SETBP1: variants seen among roughly 807,000 people sequenced by gnomAD.
SETBP1 encodes SET-binding protein.
Under a neutral mutation model 101.0 loss-of-function variants are expected in SETBP1, and 9 were observed. That is an observed-to-expected ratio of 0.09 (90% CI 0.05 to 0.16). SETBP1 has a LOEUF of 0.16. Among genes scored for constraint, SETBP1 ranks in the 10% least tolerant of loss-of-function variants. The pLI, the probability that SETBP1 is intolerant of heterozygous loss-of-function variation, is 1.00. For missense variants in SETBP1, 1,858 were observed against 2,033.8 expected (o/e 0.91, Z 1.66); for synonymous variants, 818 against 788.5 (o/e 1.04, Z -0.63).
intron 2 of SETBP1, among the ~76,000 whole-genome samples, chr18:44,855,842 G>A (rs1425710874): frequency 1.3e-5 from 2 of 152,170 alleles, no homozygotes; most frequent in Non-Finnish European, 2.9e-5. Flanking sequence ...ATGGCATTGC[G>A]ATCCGTGTTC....
chr18:44,970,751 A>G lies in SETBP1; in HGVS notation c.4000+17411A>G, dbSNP rs148664578. Reference sequence around the variant, plus strand: ...TTTTTAGTAGAGACAGGGTTTCACCATGTTGGTCAGGCTGGTCTCGAACTC... The same window carrying G: ...TTTTTAGTAGAGACAGGGTTTCACCGTGTTGGTCAGGCTGGTCTCGAACTC... On this transcript the variant is annotated intron_variant, in intron 4 of 5. Transcript: ENST00000649279. Among the ~76,000 whole-genome samples, 964 of 152,054 alleles carry G rather than the reference A, an allele frequency of 6.3e-3. 14 individuals carry two copies. Among genetic ancestry groups the G allele is most frequent in the South Asian group, 0.04 (192 of 4,790 alleles).
At chr18:45,017,515 G>C (rs2072972717) in intron 4 of SETBP1, among the ~76,000 whole-genome samples, 1 of 152,222 alleles carries the variant, frequency 6.6e-6, no homozygotes, top group South Asian at 2.1e-4. Flanking sequence ...TCCGAAGGAA[G>C]GGACCTTTGC....
chr18:45,014,029 GAA>G (rs34718298), intron 4 of SETBP1, among the ~76,000 whole-genome samples: 7 of 149,892 alleles, frequency 4.7e-5, no homozygotes, highest in Middle Eastern at 6.9e-3. Context: ...ATGTTCGGCA[GAA>G]AAAAAAAAAT....
chr18:45,024,575 G>C (rs1286176162), intron 4 of SETBP1, among the ~76,000 whole-genome samples: 1 of 152,084 alleles, frequency 6.6e-6, no homozygotes, highest in Non-Finnish European at 1.5e-5. Flanking sequence ...ATGACCTAAA[G>C]ACCTTCTCAG....
intron 4 of SETBP1, chr18:44,970,003 A>C (rs1163458728): frequency 6.5e-6 from 1 of 154,684 alleles, no homozygotes; most frequent in Non-Finnish European, 1.5e-5. Context: ...AAGAATCCTA[A>C]TTCTCCTTAT....
intron 3 of SETBP1, among the ~76,000 whole-genome samples, chr18:44,933,483 AGACAGG>A (rs2070885074): frequency 6.6e-6 from 1 of 152,252 alleles, no homozygotes; most frequent in Non-Finnish European, 1.5e-5. Flanking sequence ...CAAAGCTGTC[AGACAGG>A]GACGTTTAAG....
intron 3 of SETBP1, among the ~76,000 whole-genome samples, chr18:44,936,888 T>C (rs1041123135): frequency 1.4e-4 from 22 of 152,050 alleles, no homozygotes; most frequent in Admixed American, 6.6e-5. Flanking sequence ...TTAGGCTAGG[T>C]TGAAAGCAGA....
chr18:44,730,931 G>A (rs1421699731), intron 2 of SETBP1, among the ~76,000 whole-genome samples: 1 of 152,202 alleles, frequency 6.6e-6, no homozygotes, highest in African/African-American at 2.4e-5. Context: ...AGTAGTGATA[G>A]TTCCTCCATA....
chr18:44,807,470 T>C (rs2071772499), intron 2 of SETBP1, among the ~76,000 whole-genome samples: 1 of 152,148 alleles, frequency 6.6e-6, no homozygotes, highest in African/African-American at 2.4e-5. Context: ...GTGCTGGATT[T>C]TTTGTTTGTT....
intron 3 of SETBP1, among the ~76,000 whole-genome samples, chr18:44,914,776 A>ATAGGACT (rs1200967237): frequency 6.6e-6 from 1 of 152,092 alleles, no homozygotes; most frequent in Non-Finnish European, 1.5e-5. Context: ...AGGAACAGAA[A>ATAGGACT]TAGGACTTGA....
At chr18:44,900,970 A>G (rs1336933699) in intron 3 of SETBP1, among the ~76,000 whole-genome samples, 1 of 152,226 alleles carries the variant, frequency 6.6e-6, no homozygotes, top group East Asian at 1.9e-4. Flanking sequence ...CTAGAAACAA[A>G]TAAAATCTCC....
intron 2 of SETBP1, among the ~76,000 whole-genome samples, chr18:44,848,234 G>A (rs1235491677): frequency 6.6e-6 from 1 of 152,164 alleles, no homozygotes; most frequent in Non-Finnish European, 1.5e-5. Context: ...TGGGAAAGAT[G>A]AGGTAAGCAA....
intron 2 of SETBP1, among the ~76,000 whole-genome samples, chr18:44,747,469 G>A (rs1002635121): frequency 6.6e-6 from 1 of 152,208 alleles, no homozygotes; most frequent in Non-Finnish European, 1.5e-5. Context: ...GAGAGGTGCT[G>A]GCCCAGGCCA....
intron 1 of SETBP1, among the ~76,000 whole-genome samples, chr18:44,684,146 A>G (rs1390568205): frequency 2.0e-5 from 3 of 152,160 alleles, no homozygotes; most frequent in African/African-American, 7.2e-5. Context: ...AAAACAATCC[A>G]ATTCCATTCC....
chr18:44,885,495 A>G (rs1244707359), intron 3 of SETBP1, among the ~76,000 whole-genome samples: 1 of 152,074 alleles, frequency 6.6e-6, no homozygotes, highest in African/African-American at 2.4e-5. Context: ...CGCAATCACT[A>G]AGGTGTTTCT....
chr18:44,978,142 A>T (rs964780920), intron 4 of SETBP1, among the ~76,000 whole-genome samples: 2 of 152,180 alleles, frequency 1.3e-5, no homozygotes, highest in African/African-American at 2.4e-5. Flanking sequence ...TAGCTCCATT[A>T]TTCCTCAGCT....
chr18:45,001,665 T>C (rs1031908299), intron 4 of SETBP1, among the ~76,000 whole-genome samples: 1 of 152,186 alleles, frequency 6.6e-6, no homozygotes, highest in African/African-American at 2.4e-5. Context: ...CTCATTACTT[T>C]ATAGATGTGT....
At chr18:44,992,380 TA>T in intron 4 of SETBP1, among the ~76,000 whole-genome samples, 1 of 151,888 alleles carries the variant, frequency 6.6e-6, no homozygotes, top group Non-Finnish European at 1.5e-5. Flanking sequence ...GATCAAGTGA[TA>T]AAAAATTATG....
chr18:44,835,361 C>A (rs1330425175), intron 2 of SETBP1, among the ~76,000 whole-genome samples: 1 of 151,700 alleles, frequency 6.6e-6, no homozygotes, highest in Non-Finnish European at 1.5e-5. Flanking sequence ...GTTTGACAGT[C>A]TCTCTACTGT....
Sources: gnomAD v4.1 joint callset for allele counts (sites outside exome capture counted in the v4.1 genomes callset) on GRCh38, gnomAD v4.1.1 for gene constraint, MANE v1.5 for transcripts, NCBI Gene and HGNC (gene_info 2026-07-23, HGNC 2026-07-21) for gene names.